Variants in BBS7 observed in about 807,000 individuals in gnomAD.
BBS7 encodes BBSome complex member BBS7.
In BBS7, 50 loss-of-function variants were observed where a neutral mutation model predicts 90.3. That is an observed-to-expected ratio of 0.55 (90% confidence interval 0.44 to 0.70). The LOEUF (loss-of-function observed/expected upper bound fraction) is 0.70, where lower values mean the gene tolerates loss of function less well. Ranked by LOEUF, BBS7 falls within the 30% of genes least tolerant of loss-of-function variation. The pLI is 0.00. For synonymous variants in BBS7, 235 were observed against 287.4 expected, an observed-to-expected ratio of 0.82 and a Z score of 1.85; for missense variants, 729 against 838.9, an observed-to-expected ratio of 0.87 and a Z score of 1.62.
At position 121,828,136 on chromosome 4, in the gene BBS7, G is replaced by A. The variant is rs767009543; in HGVS notation, c.2014+10C>T. 2 of 1,613,510 alleles carry A rather than the reference G, an allele frequency of 1.2e-6. No individual in the cohort carries two copies. Among genetic ancestry groups the A allele is most frequent in the South Asian group, 1.1e-5 (1 of 91,030 alleles). On this transcript the variant is annotated intron_variant, in intron 18 of 18. Transcript: ENST00000264499. ...AAATATGGCAAGGTATTCTAGAATG[G>A]TCCACTAACCATAGAGTCTTTCAAG...
At chr4:121,833,907 A>G (rs1203350888) in intron 14 of BBS7, among the ~76,000 whole-genome samples, 2 of 152,094 alleles carry the variant, frequency 1.3e-5, no homozygotes, top group Non-Finnish European at 2.9e-5. Context: ...TTATACAAGG[A>G]TCTCATTAGG....
rs575839166 is a variant in BBS7 at position 121,828,066 on chromosome 4, C to T, written c.2014+80G>A. 5.0e-6 allele frequency: 8 copies of T among 1,587,936 alleles called. No individual in the cohort carries two copies. In the East Asian group the frequency reaches 1.8e-4, roughly 36 times the overall value. The stretch of plus-strand genomic sequence containing the variant: ...CTGATGTAATCTTTTTATCTTTCTG[C>T]CCAGCTTCTCTTACATGATCCTTGG... On this transcript the variant is annotated intron_variant, in intron 18 of 18. Coordinates refer to ENST00000264499, the MANE Select transcript of BBS7 (RefSeq NM_176824.3).
At chr4:121,849,753 C>A (rs1421865105) in intron 8 of BBS7, among the ~76,000 whole-genome samples, 1 of 152,074 alleles carries the variant, frequency 6.6e-6, no homozygotes, top group Middle Eastern at 3.2e-3. Context: ...TCACTTCGAC[C>A]CGGAAGGCGG....
rs755032102 is a variant in BBS7, at chr4:121,859,022, G to A, written c.498C>T (p.Ala166=). Residue 166 remains alanine, a synonymous_variant, in exon 5 of 19, where the codon GCC becomes GCT. Coordinates refer to ENST00000264499, the MANE Select transcript of BBS7 (RefSeq NM_176824.3). The stretch of plus-strand genomic sequence containing the variant: ...AAACTCTGAGCACTCTGTCCTGGCA[G>A]GCCAATACAGGTGTGATACGAGATA... ...ERLSRITPVL[A]CQDRVLRVLQ... 2 of 1,613,716 alleles carry A rather than the reference G, an allele frequency of 1.2e-6. No individual in the cohort carries two copies. The highest frequency in any genetic ancestry group is 8.5e-7 in the Non-Finnish European group (1 of 1,179,864).
chr4:121,828,416 T>C lies in BBS7; in HGVS notation c.1876A>G (p.Ile626Val). 1.9e-6 allele frequency: 3 copies of C among 1,613,846 alleles called. No individual in the cohort carries two copies. The highest frequency in any genetic ancestry group is 1.7e-6 in the Non-Finnish European group (2 of 1,179,786). Residue 626 changes from isoleucine to valine, a missense_variant, in exon 17 of 19, where the codon ATT becomes GTT. Physicochemically the swap from Ile to Val is conservative, Grantham distance 29. Coordinates refer to ENST00000264499, the MANE Select transcript of BBS7 (RefSeq NM_176824.3). ...QLLLAKKVQLIDALKELQIHE... is the reference protein window; with the variant it reads ...QLLLAKKVQLVDALKELQIHE... The stretch of plus-strand genomic sequence containing the variant: ...CATGTACTTACTTTTAAAGCATCAA[T>C]TAACTGCACTTTCTTAGCCAAAAGC...
chr4:121,856,255 C>T (rs1030683665), intron 5 of BBS7, among the ~76,000 whole-genome samples: 24 of 152,222 alleles, frequency 1.6e-4, no homozygotes, highest in African/African-American at 5.8e-4. Flanking sequence ...TGACCTGCTA[C>T]TTAGATAAAA....
At chr4:121,866,359 G>GT (rs1417620868) in intron 2 of BBS7, among the ~76,000 whole-genome samples, 5 of 151,614 alleles carry the variant, frequency 3.3e-5, no homozygotes, top group East Asian at 1.9e-4. Context: ...GTTTTGTTTT[G>GT]TTTTTTTGAG....
chr4:121,869,637 C>T (rs940839948), intron 1 of BBS7, among the ~76,000 whole-genome samples: 1 of 152,188 alleles, frequency 6.6e-6, no homozygotes, highest in African/African-American at 2.4e-5. Flanking sequence ...CTCCCGAGTT[C>T]AAGCGATTCT....
In BBS7 at chr4:121,853,106, A is replaced by T. The variant is rs749836674; in HGVS notation, c.719-20T>A. ...AAATACCTTTAAAAAGAGATATGTG[A>T]TAAGTTATTAAGAAGACTAATAGTT... On this transcript the variant is annotated intron_variant, in intron 7 of 18. Coordinates refer to ENST00000264499, the MANE Select transcript of BBS7 (RefSeq NM_176824.3). The T allele has an allele frequency of 1.2e-6, 2 of 1,609,148 alleles. No homozygotes were observed. Among genetic ancestry groups the T allele is most frequent in the African/African-American group, 2.7e-5 (2 of 74,798 alleles).
At chr4:121,863,845 A>G (rs763864920) in intron 2 of BBS7, among the ~76,000 whole-genome samples, 11 of 152,222 alleles carry the variant, frequency 7.2e-5, no homozygotes, top group Non-Finnish European at 1.2e-4. Flanking sequence ...ACATGTAGAC[A>G]ATGAATTGTT....
intron 2 of BBS7, among the ~76,000 whole-genome samples, chr4:121,866,824 G>T (rs1727303759): frequency 6.6e-6 from 1 of 151,972 alleles, no homozygotes; most frequent in Non-Finnish European, 1.5e-5. Context: ...TGCTGTTTTG[G>T]TTACTACAGC....
chr4:121,841,864 T>G (rs922327793), intron 12 of BBS7, among the ~76,000 whole-genome samples: 2 of 152,228 alleles, frequency 1.3e-5, no homozygotes, highest in Admixed American at 6.5e-5. Context: ...TTTTGTGTTT[T>G]GTTCTCAAAC....
chr4:121,861,450 T>C, intron 4 of BBS7, 54 bp downstream of exon 4: 1 of 1,543,338 alleles, frequency 6.5e-7, no homozygotes. Context: ...CTCACATCTA[T>C]CCAAAATATT....
At chr4:121,834,825 T>G (rs1266963368) in intron 14 of BBS7, among the ~76,000 whole-genome samples, 1 of 152,164 alleles carries the variant, frequency 6.6e-6, no homozygotes, top group Non-Finnish European at 1.5e-5. Flanking sequence ...TGAGGTCCTA[T>G]TCACAGAGAA....
intron 13 of BBS7, 119 bp downstream of exon 13, chr4:121,839,512 A>C (rs897782360): frequency 3.4e-6 from 3 of 886,232 alleles, no homozygotes; most frequent in Non-Finnish European, 5.5e-6. Context: ...TCATTACTCC[A>C]AACAATTCAT....
chr4:121,835,089 G>T (rs1725383717), intron 14 of BBS7, 55 bp downstream of exon 14: 1 of 1,571,886 alleles, frequency 6.4e-7, no homozygotes, highest in African/African-American at 1.4e-5. Flanking sequence ...TAAAAAACAG[G>T]TCTATTTGAA....
Position 121,825,874 on chromosome 4 carries a change from A to G in BBS7, c.2134T>C (p.Phe712Leu). The G allele has an allele frequency of 1.2e-6, 2 of 1,613,204 alleles. No homozygotes were observed. Among genetic ancestry groups the G allele is most frequent in the South Asian group, 2.2e-5 (2 of 91,068 alleles). The stretch of plus-strand genomic sequence containing the variant: ...TTATTTGTATGTCATGCTGCATCGA[A>G]GAATGAAATCAATGCATTTTGGTCA... ...SYDQNALISF[F>L]DAA Residue 712 changes from phenylalanine (F) to leucine (L), a missense_variant, in exon 19 of 19, where the codon TTC (phenylalanine) becomes CTC (leucine). Transcript: ENST00000264499.
intron 15 of BBS7, among the ~76,000 whole-genome samples, chr4:121,831,456 C>G (rs190998565): frequency 1.3e-5 from 2 of 149,810 alleles, no homozygotes; most frequent in Non-Finnish European, 3.0e-5. Flanking sequence ...CACAGTGAGA[C>G]TCTCTTAAAA....
chr4:121,849,907 C>T (rs1425268364), intron 8 of BBS7, among the ~76,000 whole-genome samples: 2 of 152,158 alleles, frequency 1.3e-5, no homozygotes, highest in Non-Finnish European at 2.9e-5. Flanking sequence ...GAATTCCATA[C>T]ACCATCTCTT....
Sources: gnomAD v4.1 joint callset for allele counts (sites outside exome capture counted in the v4.1 genomes callset) on GRCh38, gnomAD v4.1.1 for gene constraint, MANE v1.5 for transcripts, NCBI Gene and HGNC (gene_info 2026-07-23, HGNC 2026-07-21) for gene names.